ETFA: variants seen among roughly 807,000 people sequenced by gnomAD.
The protein encoded by ETFA is electron transfer flavoprotein subunit alpha, mitochondrial.
Under a neutral mutation model 46.2 loss-of-function variants are expected in ETFA, and 22 were observed. The observed-to-expected ratio is 0.48, with a 90% CI of 0.34 to 0.68. The LOEUF is 0.68. Ranked by LOEUF, ETFA falls within the 30% of genes least tolerant of loss-of-function variation. The pLI is 0.01. For missense variants in ETFA, 345 were observed against 401.1 expected, an observed-to-expected ratio of 0.86 and a Z score of 1.19; for synonymous variants, 131 against 139.9, an observed-to-expected ratio of 0.94 and a Z score of 0.45.
intron 9 of ETFA, among the ~76,000 whole-genome samples, chr15:76,246,647 T>A (rs1567202191): frequency 6.6e-6 from 1 of 151,862 alleles, no homozygotes; most frequent in Non-Finnish European, 1.5e-5. Flanking sequence ...CTGGCTAACA[T>A]GGTGAAATCC....
chr15:76,216,389 G>A lies in ETFA; in HGVS notation c.*170C>T. On this transcript the variant is annotated 3_prime_UTR_variant, in exon 12 of 12. Coordinates refer to ENST00000557943, the MANE Select transcript of ETFA (RefSeq NM_000126.4). ...GTTTGGAACCACAAATAATTAAAAG[G>A]AAACACAGCAATCCCATAAACAAGC... 1 of 582,088 alleles carries A rather than the reference G, an allele frequency of 1.7e-6. No individual in the cohort carries two copies. Among genetic ancestry groups the A allele is most frequent in the Non-Finnish European group, 3.0e-6 (1 of 329,280 alleles). The allele number at this position is 582,088 out of a possible 1,614,324, so 36.1% of individuals were successfully genotyped here.
chr15:76,227,508 T>C (rs1297907512), intron 10 of ETFA, among the ~76,000 whole-genome samples: 2 of 21,122 alleles, frequency 9.5e-5, no homozygotes, highest in Non-Finnish European at 7.0e-5. Context: ...AGAGTGAGAC[T>C]CTGTCTCAAA....
Position 76,295,755 on chromosome 15 carries a change from G to GAAA in ETFA, c.40-21_40-19dup, listed in dbSNP as rs755841159. On this transcript the variant is annotated intron_variant, in intron 1 of 11. Coordinates refer to ENST00000557943, the MANE Select transcript of ETFA (RefSeq NM_000126.4). ...AATGAGGCCTAAAAAGAGCAAAAAGGAAAAAAAAAGGTAAAGAATGTTGTC... is the reference window on the plus strand; with the variant it reads ...AATGAGGCCTAAAAAGAGCAAAAAGGAAAAAAAAAAAAGGTAAAGAATGTTGTC... 7 of 1,456,320 alleles carry GAAA rather than the reference G, an allele frequency of 4.8e-6. No individual in the cohort carries two copies. Among genetic ancestry groups the GAAA allele is most frequent in the Non-Finnish European group, 1.9e-6 (2 of 1,078,074 alleles). 90.2% of individuals were successfully genotyped at this position (1,456,320 alleles called of 1,614,324 possible).
At chr15:76,237,846 C>G (rs1328522551) in intron 9 of ETFA, among the ~76,000 whole-genome samples, 1 of 152,170 alleles carries the variant, frequency 6.6e-6, no homozygotes, top group Non-Finnish European at 1.5e-5. Flanking sequence ...TAACTTGATA[C>G]AATTCTTCCA....
At chr15:76,221,694 T>C (rs188110528) in intron 11 of ETFA, among the ~76,000 whole-genome samples, 2 of 152,300 alleles carry the variant, frequency 1.3e-5, no homozygotes, top group Non-Finnish European at 2.9e-5. Context: ...GGTAGTGTAA[T>C]ATTTACATTA....
chr15:76,283,739 TAAGGAAAATA>T lies in ETFA; in HGVS notation c.733+8_733+17del. On this transcript the variant is annotated splice_region_variant and intron_variant, in intron 8 of 11. Coordinates refer to ENST00000557943, the MANE Select transcript of ETFA (RefSeq NM_000126.4). ...CAACAAAAAGGGAATATCTTTCTAC[TAAGGAAAATA>T]ACTTTACCTGCAGCATGTAGTTGAT... is the stretch of plus-strand genomic sequence containing the variant. 6.6e-7 allele frequency: 1 copy of T among 1,505,450 alleles called. No individual in the cohort carries two copies. Among genetic ancestry groups the T allele is most frequent in the Non-Finnish European group, 9.2e-7 (1 of 1,081,700 alleles). 93.3% of individuals were successfully genotyped at this position (1,505,450 alleles called of 1,614,324 possible).
intron 9 of ETFA, chr15:76,260,223 A>T: frequency 7.8e-7 from 1 of 1,288,796 alleles, no homozygotes; most frequent in South Asian, 1.2e-5. Context: ...CAAGCTTTCC[A>T]ATGTGGCCTC....
intron 9 of ETFA, chr15:76,259,317 C>G: frequency 1.3e-6 from 2 of 1,595,106 alleles, no homozygotes; most frequent in Non-Finnish European, 1.7e-6. Flanking sequence ...CATTCGCAGA[C>G]AAGTAAAGCT....
chr15:76,222,550 A>T (rs183519322), intron 11 of ETFA, among the ~76,000 whole-genome samples: 53 of 152,282 alleles, frequency 3.5e-4, no homozygotes, highest in Non-Finnish European at 5.9e-4. Flanking sequence ...AGAGTCTGTC[A>T]AAGGTGCGAT....
chr15:76,260,104 G>A (rs2039390875), intron 9 of ETFA: 6 of 1,488,024 alleles, frequency 4.0e-6, no homozygotes, highest in Non-Finnish European at 5.6e-6. Context: ...CTTCAGCTGG[G>A]CCTACCGCAC....
Position 76,216,421 on chromosome 15 carries a change from G to A in ETFA, c.*138C>T, listed in dbSNP as rs2038896437. On this transcript the variant is annotated 3_prime_UTR_variant, in exon 12 of 12. Transcript: ENST00000557943. ...AGCAATCCCATAAACAAGCATTCTG[G>A]CATCTGTTAGAAATTTTCCCTCAAA... The A allele has an allele frequency of 4.8e-6, 3 of 624,426 alleles. No individual in the cohort carries two copies. The highest frequency in any genetic ancestry group is 8.6e-6 in the Non-Finnish European group (3 of 348,238). The allele number at this position is 624,426 out of a possible 1,614,324, so 38.7% of individuals were successfully genotyped here. A position where few individuals can be genotyped will look rare whatever the true frequency, so the allele number is the denominator to read the frequency against.
At chr15:76,257,616 C>T (rs978208952) in intron 9 of ETFA, among the ~76,000 whole-genome samples, 3 of 152,104 alleles carry the variant, frequency 2.0e-5, no homozygotes, top group African/African-American at 7.2e-5. Flanking sequence ...GTGGCGATTC[C>T]TCAGGGATCT....
chr15:76,246,588 T>C (rs1330867375), intron 9 of ETFA, among the ~76,000 whole-genome samples: 2 of 152,006 alleles, frequency 1.3e-5, no homozygotes, highest in Non-Finnish European at 2.9e-5. Context: ...TCCCAGCACT[T>C]TGGGAGGCTG....
At chr15:76,282,589 T>G (rs2039666607) in intron 8 of ETFA, among the ~76,000 whole-genome samples, 1 of 152,214 alleles carries the variant, frequency 6.6e-6, no homozygotes, top group Non-Finnish European at 1.5e-5. Flanking sequence ...AATACTACCA[T>G]CTGATTATAC....
chr15:76,306,790 A>T (rs2039944697), intron 1 of ETFA, among the ~76,000 whole-genome samples: 1 of 152,308 alleles, frequency 6.6e-6, no homozygotes, highest in African/African-American at 2.4e-5. Flanking sequence ...TATGACATTG[A>T]CTGTAATACT....
intron 9 of ETFA, among the ~76,000 whole-genome samples, chr15:76,271,323 C>A (rs547577652): frequency 6.6e-6 from 1 of 152,088 alleles, no homozygotes; most frequent in Non-Finnish European, 1.5e-5. Flanking sequence ...AAGTGAAAAT[C>A]ATTAAATGAA....
chr15:76,216,205 C>T lies in ETFA; in HGVS notation c.*354G>A. ...AATCTTCCTAAAACATAGAGCTCTCCATGAACAAGAAAGGCAAAAAAATAA... is the reference window on the plus strand; with the variant it reads ...AATCTTCCTAAAACATAGAGCTCTCTATGAACAAGAAAGGCAAAAAAATAA... On this transcript the variant is annotated 3_prime_UTR_variant, in exon 12 of 12. Transcript: ENST00000557943. The T allele has an allele frequency of 4.5e-6, 1 of 221,542 alleles. No homozygotes were observed. Among genetic ancestry groups the T allele is most frequent in the Non-Finnish European group, 8.8e-6 (1 of 113,160 alleles). The allele number at this position is 221,542 out of a possible 1,614,324, so 13.7% of individuals were successfully genotyped here.
intron 8 of ETFA, 105 bp downstream of exon 8, chr15:76,283,652 T>C: frequency 1.2e-6 from 1 of 855,276 alleles, no homozygotes; most frequent in East Asian, 2.7e-5. Context: ...TCCGGAAAAG[T>C]AAAATAATTT....
At chr15:76,272,068 A>G (rs1178427211) in intron 9 of ETFA, among the ~76,000 whole-genome samples, 1 of 152,196 alleles carries the variant, frequency 6.6e-6, no homozygotes, top group African/African-American at 2.4e-5. Flanking sequence ...AATATTGAAT[A>G]ATGCTGATGG....
Sources: allele counts gnomAD v4.1 joint callset (sites outside exome capture counted in the v4.1 genomes callset), GRCh38; gene constraint gnomAD v4.1.1; transcripts MANE v1.5; gene names NCBI Gene and HGNC (gene_info 2026-07-23, HGNC 2026-07-21).